PRKAB1: variants seen among roughly 807,000 people sequenced by gnomAD.
PRKAB1 encodes the protein protein kinase AMP-activated non-catalytic subunit beta 1, also known as 5'-AMP-activated protein kinase subunit beta-1.
Under a neutral mutation model 32.0 loss-of-function variants are expected in PRKAB1, and 18 were observed. That is an observed-to-expected ratio of 0.56 (90% CI 0.39 to 0.83). PRKAB1 has a LOEUF of 0.83. PRKAB1 is among the 40% of genes least tolerant of loss of function. The pLI, the probability that PRKAB1 is intolerant of heterozygous loss-of-function variation, is 0.00. For missense variants in PRKAB1, 263 were observed against 352.6 expected, an observed-to-expected ratio of 0.75 and a Z score of 2.03; for synonymous variants, 141 against 141.4, an observed-to-expected ratio of 1.00 and a Z score of 0.02.
At chr12:119,668,047 T>G (rs1449145888), upstream of PRKAB1, 1 of 615,710 alleles carries the variant, frequency 1.6e-6, no homozygotes, top group Non-Finnish European at 2.6e-6. Flanking sequence ...CCTGGGCAGG[T>G]AAAGCGCGAT....
intron 5 of PRKAB1, chr12:119,678,481 C>T (rs1955443022): frequency 1.3e-5 from 2 of 152,194 alleles, no homozygotes; most frequent in South Asian, 2.1e-4. Flanking sequence ...ACGTATTCCT[C>T]CTGTCTAACT....
rs1273289975 is a variant in PRKAB1, at chr12:119,681,063, C to A, written c.*738C>A. On this transcript the variant is annotated 3_prime_UTR_variant, in exon 7 of 7. Transcript: ENST00000229328. ...CTGTTCTCAGAACAGACTTTTCAAC[C>A]TGCTGCCGGATTTCTCCATTCAGCT... 1 of 152,606 alleles carries A rather than the reference C, an allele frequency of 6.6e-6. No individual in the cohort carries two copies. Among genetic ancestry groups the A allele is most frequent in the Non-Finnish European group, 1.5e-5 (1 of 68,070 alleles). 9.5% of individuals were successfully genotyped at this position (152,606 alleles called of 1,614,324 possible).
Position 119,668,325 on chromosome 12 carries a change from C to T in PRKAB1, c.81C>T (p.Gly27=). The T allele has an allele frequency of 6.2e-7, 1 of 1,613,090 alleles. No homozygotes were observed. Among genetic ancestry groups the T allele is most frequent in the Non-Finnish European group, 8.5e-7 (1 of 1,179,632 alleles). ...CGCCCCGGAGGGACAGCTCGGGGGG[C>T]ACCAAGGACGGGGACAGGCCCAAGA... ...HKTPRRDSSG[G]TKDGDRPKIL... is the part of the protein sequence containing the mutation. The change falls in exon 1 of 7, where the codon GGC becomes GGT. Residue 27 remains glycine (G), a synonymous_variant. Transcript: ENST00000229328.
At position 119,672,273 on chromosome 12, in the gene PRKAB1, C is replaced by G. The variant is rs770741962; in HGVS notation, c.160-28C>G. 5.7e-6 allele frequency: 9 copies of G among 1,566,748 alleles called. No individual in the cohort carries two copies. In the East Asian group the frequency reaches 1.9e-4, roughly 33 times the overall value. ...TCTGTTGTAGGGAGCTCGCTTATGG[C>G]TTTCTGAGTAAACTGCTCTGCTTCT... is the stretch of plus-strand genomic sequence containing the variant. On this transcript the variant is annotated intron_variant, in intron 1 of 6. Coordinates refer to ENST00000229328, the MANE Select transcript of PRKAB1 (RefSeq NM_006253.5).
chr12:119,669,736 G>C (rs1293091496), intron 1 of PRKAB1: 3 of 152,164 alleles, frequency 2.0e-5, no homozygotes, highest in Non-Finnish European at 4.4e-5. Context: ...ACCATGCCTG[G>C]CTAATTTTGT....
At position 119,679,162 on chromosome 12, in the gene PRKAB1, T is replaced by C. The variant is rs142111782; in HGVS notation, c.667-771T>C. On this transcript the variant is annotated intron_variant, in intron 5 of 6. Coordinates refer to ENST00000229328, the MANE Select transcript of PRKAB1 (RefSeq NM_006253.5). The surrounding 1 kb of genome is among the most constrained non-coding windows in gnomAD (Gnocchi z 4.1). ...TTGATTAATTTTTTAAAAACCCCTC[T>C]TAGGCTCACACAGCAACTGGCTGAG... is the stretch of plus-strand genomic sequence containing the variant. The C allele has an allele frequency of 3.3e-5, 5 of 152,364 alleles. No individual in the cohort carries two copies. Among genetic ancestry groups the C allele is most frequent in the Admixed American group, 3.3e-4 (5 of 15,308 alleles). 9.4% of individuals were successfully genotyped at this position (152,364 alleles called of 1,614,324 possible).
chr12:119,667,982 C>G (rs1206247037), upstream of PRKAB1: 5 of 463,888 alleles, frequency 1.1e-5, no homozygotes, highest in East Asian at 1.6e-4. Flanking sequence ...GGTGGTGAAG[C>G]GGTTGGGAAA....
chr12:119,668,270 C>G lies in PRKAB1; in HGVS notation c.26C>G (p.Ala9Gly). Residue 9 changes from alanine to glycine, a missense_variant, in exon 1 of 7, where the codon GCC (alanine) becomes GGC (glycine). Coordinates refer to ENST00000229328, the MANE Select transcript of PRKAB1 (RefSeq NM_006253.5). MGNTSSER[A>G]ALERHGGHKT... Reference sequence around the variant, plus strand: ...ATGGGCAATACCAGCAGTGAGCGCGCCGCGCTGGAGCGGCATGGTGGCCAT... The same window carrying G: ...ATGGGCAATACCAGCAGTGAGCGCGGCGCGCTGGAGCGGCATGGTGGCCAT... 2 of 1,607,098 alleles carry G rather than the reference C, an allele frequency of 1.2e-6. No individual in the cohort carries two copies. The highest frequency in any genetic ancestry group is 1.1e-5 in the South Asian group (1 of 90,182).
At chr12:119,677,639 GTT>G (rs1955434851) in intron 5 of PRKAB1, 2 of 152,242 alleles carry the variant, frequency 1.3e-5, no homozygotes, top group South Asian at 4.1e-4. Context: ...CAGGTGAAGA[GTT>G]TCAAGGACAT....
intron 4 of PRKAB1, among the ~76,000 whole-genome samples, chr12:119,675,039 C>T (rs1179571485): frequency 6.6e-6 from 1 of 152,248 alleles, no homozygotes; most frequent in African/African-American, 2.4e-5. Context: ...GCCTTTCAGG[C>T]ATCGAGGTTT....
chr12:119,674,226 GA>G lies in PRKAB1; in HGVS notation c.418-113del. On this transcript the variant is annotated intron_variant, in intron 3 of 6. Coordinates refer to ENST00000229328, the MANE Select transcript of PRKAB1 (RefSeq NM_006253.5). This position sits in a 1 kb window ranked among gnomAD's most constrained non-coding sequence, Gnocchi z 4.3. ...GACAGTTGGCATACTTGACCAAGAT[GA>G]GCAGGGTGGCTAGCCAGGAGATGAG... 6 of 1,040,216 alleles carry G rather than the reference GA, an allele frequency of 5.8e-6. No individual in the cohort carries two copies. Among genetic ancestry groups the G allele is most frequent in the Non-Finnish European group, 8.7e-6 (6 of 692,976 alleles). 64.4% of individuals were successfully genotyped at this position (1,040,216 alleles called of 1,614,324 possible).
At chr12:119,673,766 G>T (rs1955403894) in intron 2 of PRKAB1, 198 bp from the exon 3 acceptor site, 1 of 470,920 alleles carries the variant, frequency 2.1e-6, no homozygotes, top group Non-Finnish European at 3.7e-6. Context: ...AGGAAACTGT[G>T]TCGCACTGCT....
Position 119,668,391 on chromosome 12 carries a change from C to G in PRKAB1, c.147C>G (p.Ser49=), listed in dbSNP as rs1483504595. The stretch of plus-strand genomic sequence containing the variant: ...CCGAAGACGCCGACCTCTTCCACTC[C>G]GAGGAAATCAAGGTGCGAGCGGTGT... The part of the protein sequence containing the change: ...DSPEDADLFH[S]EEIKAPEKEE... The change falls in exon 1 of 7, where the codon TCC becomes TCG. Residue 49 remains serine (S), a synonymous_variant. Transcript: ENST00000229328. The G allele has an allele frequency of 1.2e-6, 2 of 1,613,076 alleles. No homozygotes were observed. Among genetic ancestry groups the G allele is most frequent in the Non-Finnish European group, 1.7e-6 (2 of 1,179,618 alleles).
chr12:119,680,329 G>A lies in PRKAB1; in HGVS notation c.*4G>A. The A allele has an allele frequency of 1.2e-6, 2 of 1,613,302 alleles. No homozygotes were observed. Among genetic ancestry groups the A allele is most frequent in the Non-Finnish European group, 1.7e-6 (2 of 1,179,336 alleles). On this transcript the variant is annotated 3_prime_UTR_variant, in exon 7 of 7. Coordinates refer to ENST00000229328, the MANE Select transcript of PRKAB1 (RefSeq NM_006253.5). ...CTTGTTATACAAGCCCATATGAAGA[G>A]CTGGGGGCGGATGGTGGCCCAGGAG...
chr12:119,672,454 C>A lies in PRKAB1; in HGVS notation c.313C>A (p.Leu105Ile). The A allele has an allele frequency of 6.3e-7, 1 of 1,583,418 alleles. No homozygotes were observed. The highest frequency in any genetic ancestry group is 8.6e-7 in the Non-Finnish European group (1 of 1,163,042). ...GSFNNWSKLP[L>I]TRSHNNFVAI... ...CTTCAACAACTGGAGTAAACTTCCC[C>A]TCACCAGAAGGTAATTGCCTGGGGA... The change falls in exon 2 of 7, where the codon CTC becomes ATC. Residue 105 changes from leucine to isoleucine, a missense_variant. Leu to Ile is a conservative substitution (Grantham distance 5). Transcript: ENST00000229328.
intron 1 of PRKAB1, chr12:119,669,306 C>G (rs1212065135): frequency 1.5e-5 from 2 of 135,338 alleles, no homozygotes; most frequent in Middle Eastern, 5.1e-3. Flanking sequence ...CTCGCTCTGT[C>G]GCCCAGGCTG....
rs77534290 is a variant in PRKAB1 at position 119,672,015 on chromosome 12, T to G, written c.160-286T>G. Among the ~76,000 whole-genome samples, 38 of 152,318 alleles carry G rather than the reference T, an allele frequency of 2.5e-4. No homozygotes were observed. In the East Asian group the frequency reaches 7.3e-3, roughly 29 times the overall value. Reference sequence around the variant, plus strand: ...CCCCTTCCAAGTGTGTTTCATAGCTTCTTCTAGAATTTTGATGTCAACTTC... The same window carrying G: ...CCCCTTCCAAGTGTGTTTCATAGCTGCTTCTAGAATTTTGATGTCAACTTC... On this transcript the variant is annotated intron_variant, in intron 1 of 6. Transcript: ENST00000229328.
rs765820019 is a variant in PRKAB1, at chr12:119,674,504, A to G, written c.532+50A>G. The G allele has an allele frequency of 1.5e-5, 20 of 1,351,882 alleles. No homozygotes were observed. Among genetic ancestry groups the G allele is most frequent in the Non-Finnish European group, 2.0e-5 (19 of 953,928 alleles). 83.7% of individuals were successfully genotyped at this position (1,351,882 alleles called of 1,614,324 possible). On this transcript the variant is annotated intron_variant, in intron 4 of 6. Transcript: ENST00000229328. The surrounding 1 kb of genome is among the most constrained non-coding windows in gnomAD (Gnocchi z 4.3). ...ACATGCGTGCAGGTGGGGGCTGTACAGTCTAGACATACTCTTGTTTCTCTT... is the reference window on the plus strand; with the variant it reads ...ACATGCGTGCAGGTGGGGGCTGTACGGTCTAGACATACTCTTGTTTCTCTT...
intron 1 of PRKAB1, chr12:119,671,368 A>C: frequency 7.7e-6 from 2 of 259,146 alleles, no homozygotes; most frequent in South Asian, 6.8e-5. Flanking sequence ...GTCTGTTCTC[A>C]TGCTACTATG....
Sources: gnomAD v4.1 joint callset for allele counts (sites outside exome capture counted in the v4.1 genomes callset) on GRCh38, gnomAD v4.1.1 for gene constraint, Gnocchi (gnomAD v3.1) non-coding constraint, MANE v1.5 for transcripts, NCBI Gene and HGNC (gene_info 2026-07-23, HGNC 2026-07-21) for gene names.